Variants in TP63 observed in about 807,000 individuals in gnomAD.
TP63 encodes tumor protein 63.
A neutral mutation model predicts 82.8 loss-of-function variants in TP63; 17 were observed. The observed-to-expected ratio is 0.21, with a 90% CI of 0.14 to 0.31. TP63 has a LOEUF of 0.31. Among genes scored for constraint, TP63 ranks in the 10% least tolerant of loss-of-function variants. The pLI, the probability that TP63 is intolerant of heterozygous loss-of-function variation, is 1.00. For missense variants in TP63, 648 were observed against 895.3 expected (o/e 0.72, Z 3.52); for synonymous variants, 330 against 321.7 (o/e 1.03, Z -0.28).
chr3:189,783,763 T>G (rs1053095445), intron 3 of TP63, among the ~76,000 whole-genome samples: 2 of 151,914 alleles, frequency 1.3e-5, no homozygotes, highest in Admixed American at 6.6e-5. Flanking sequence ...GGAATTAATA[T>G]CAAAATGAAA....
At chr3:189,696,062 A>C (rs1717353981) in intron 1 of TP63, among the ~76,000 whole-genome samples, 1 of 152,048 alleles carries the variant, frequency 6.6e-6, no homozygotes, top group East Asian at 1.9e-4. Flanking sequence ...TTTTGTTTTT[A>C]ATTTGCACAC....
intron 1 of TP63, among the ~76,000 whole-genome samples, chr3:189,692,518 G>A (rs551288600): frequency 9.9e-5 from 15 of 151,888 alleles, no homozygotes; most frequent in Non-Finnish European, 1.8e-4. Context: ...CAATTAATAG[G>A]CTAAAAATAG....
intron 4 of TP63, among the ~76,000 whole-genome samples, chr3:189,818,340 A>T (rs181196211): frequency 1.2e-4 from 18 of 152,210 alleles, no homozygotes; most frequent in African/African-American, 4.3e-4. Flanking sequence ...TATTACCACC[A>T]TAAGCCAGTA....
At chr3:189,730,810 G>C (rs1720109222) in intron 1 of TP63, among the ~76,000 whole-genome samples, 1 of 152,172 alleles carries the variant, frequency 6.6e-6, no homozygotes, top group Non-Finnish European at 1.5e-5. Context: ...TTTGAGCCAG[G>C]AGATCTAGTA....
intron 1 of TP63, among the ~76,000 whole-genome samples, chr3:189,671,410 G>T (rs1213667215): frequency 6.6e-6 from 1 of 151,996 alleles, no homozygotes; most frequent in Admixed American, 6.6e-5. Flanking sequence ...AGGATGTGAA[G>T]GAAAGGGAAC....
intron 1 of TP63, among the ~76,000 whole-genome samples, chr3:189,673,718 GA>G (rs1389848940): frequency 1.3e-5 from 2 of 152,102 alleles, no homozygotes; most frequent in Non-Finnish European, 2.9e-5. Context: ...ACCTTGTGTA[GA>G]GGGGTGGGAA....
At chr3:189,722,127 A>C (rs542843167) in intron 1 of TP63, among the ~76,000 whole-genome samples, 1 of 152,292 alleles carries the variant, frequency 6.6e-6, no homozygotes, top group South Asian at 2.1e-4. Flanking sequence ...TTCCTAGGAG[A>C]GTAATGAGGT....
At chr3:189,694,525 T>G (rs1717191204) in intron 1 of TP63, among the ~76,000 whole-genome samples, 1 of 152,124 alleles carries the variant, frequency 6.6e-6, no homozygotes, top group Admixed American at 6.6e-5. Context: ...GTTCAGAAAT[T>G]TAATAGAATG....
chr3:189,748,966 A>G (rs922198245), intron 3 of TP63, among the ~76,000 whole-genome samples: 7 of 152,186 alleles, frequency 4.6e-5, no homozygotes, highest in Non-Finnish European at 7.4e-5. Context: ...GTACTGGGAA[A>G]ATTGGATATT....
chr3:189,746,675 G>T (rs1443545005), intron 3 of TP63, among the ~76,000 whole-genome samples: 1 of 151,234 alleles, frequency 6.6e-6, no homozygotes, highest in Non-Finnish European at 1.5e-5. Flanking sequence ...TAAAATGGCA[G>T]GTGTAAGTCC....
At chr3:189,752,149 T>C (rs1316685304) in intron 3 of TP63, among the ~76,000 whole-genome samples, 2 of 152,040 alleles carry the variant, frequency 1.3e-5, no homozygotes, top group African/African-American at 4.8e-5. Context: ...CATCAAATTA[T>C]TGGGAATATT....
Position 189,803,396 on chromosome 3 carries a change from T to G in TP63, c.325-4876T>G, listed in dbSNP as rs567783108. Among the ~76,000 whole-genome samples the G allele has an allele frequency of 2.0e-5, 3 of 152,344 alleles. No homozygotes were observed. In the South Asian group the frequency reaches 6.2e-4, roughly 32 times the overall value. On this transcript the variant is annotated intron_variant, in intron 3 of 13. Coordinates refer to ENST00000264731, the MANE Select transcript of TP63 (RefSeq NM_003722.5). Reference sequence around the variant, plus strand: ...ACCTATTTCTATTGCATTGGTCAAATAGCTTCATTGGAATCTCTTTTTGAT... The same window carrying G: ...ACCTATTTCTATTGCATTGGTCAAAGAGCTTCATTGGAATCTCTTTTTGAT...
chr3:189,786,846 C>G (rs1215930822), intron 3 of TP63, among the ~76,000 whole-genome samples: 1 of 152,014 alleles, frequency 6.6e-6, no homozygotes, highest in Non-Finnish European at 1.5e-5. Flanking sequence ...ATAATACTAA[C>G]TTACACCACT....
chr3:189,798,594 C>T (rs903988225), intron 3 of TP63, among the ~76,000 whole-genome samples: 1 of 151,994 alleles, frequency 6.6e-6, no homozygotes, highest in Non-Finnish European at 1.5e-5. Flanking sequence ...TCAGTTTATC[C>T]CCTGCAGTTC....
chr3:189,889,480 G>T lies in TP63; in HGVS notation c.1648G>T (p.Val550Phe). 2 of 1,614,084 alleles carry T rather than the reference G, an allele frequency of 1.2e-6. No homozygotes were observed. The highest frequency in any genetic ancestry group is 1.1e-5 in the South Asian group (1 of 91,068). The change falls in exon 12 of 14, where the codon GTC (valine) becomes TTC (phenylalanine). Residue 550 changes from valine (V) to phenylalanine (F), a missense_variant. Val to Phe is a conservative substitution (Grantham distance 50, BLOSUM62 -1). Transcript: ENST00000264731. The part of the protein sequence containing the change: ...PPPYPTDCSI[V>F]SFLARLGCSS... Reference sequence around the variant, plus strand: ...TCCGTATCCCACAGATTGCAGCATTGTCAGGTGAGTCCACAGCATGTGCCC... The same window carrying T: ...TCCGTATCCCACAGATTGCAGCATTTTCAGGTGAGTCCACAGCATGTGCCC...
intron 3 of TP63, among the ~76,000 whole-genome samples, chr3:189,771,811 G>A (rs1723402183): frequency 6.6e-6 from 1 of 152,058 alleles, no homozygotes; most frequent in Admixed American, 6.6e-5. Flanking sequence ...TCAACATTCA[G>A]CAAATTTGTT....
the TP63 span, among the ~76,000 whole-genome samples, chr3:189,603,678 A>C: frequency 5.4e-5 from 2 of 37,104 alleles, no homozygotes; most frequent in Admixed American, 4.8e-4. Flanking sequence ...AAAAAAAAAG[A>C]AGCACAGTCC....
At chr3:189,628,559 C>G (rs1729368869), upstream of TP63, among the ~76,000 whole-genome samples, 2 of 152,084 alleles carry the variant, frequency 1.3e-5, no homozygotes, top group Admixed American at 6.5e-5. Context: ...CCATACAAAT[C>G]TAAAGTCTTC....
At chr3:189,698,892 G>A (rs1242365940) in intron 1 of TP63, among the ~76,000 whole-genome samples, 1 of 152,080 alleles carries the variant, frequency 6.6e-6, no homozygotes, top group Non-Finnish European at 1.5e-5. Context: ...GTGTATGACA[G>A]GAAGAATAGT....
Sources: allele counts gnomAD v4.1 joint callset (sites outside exome capture counted in the v4.1 genomes callset), GRCh38; gene constraint gnomAD v4.1.1; transcripts MANE v1.5; gene names NCBI Gene and HGNC (gene_info 2026-07-23, HGNC 2026-07-21).